RBM33: variants seen among roughly 807,000 people sequenced by gnomAD.
The protein encoded by RBM33 is RNA binding motif protein 33.
Under a neutral mutation model 132.6 loss-of-function variants are expected in RBM33, and 28 were observed. The observed-to-expected ratio is 0.21, with a 90% CI of 0.16 to 0.29. The LOEUF is 0.29. Ranked by LOEUF, RBM33 falls within the 10% of genes least tolerant of loss-of-function variation. RBM33 has a pLI of 1.00. For synonymous variants in RBM33, 634 were observed against 593.0 expected, an observed-to-expected ratio of 1.07 and a Z score of -1.01; for missense variants, 1,291 against 1,518.5, an observed-to-expected ratio of 0.85 and a Z score of 2.49.
At chr7:155,646,110 AACTCTTGGGTGAAC>A (rs1798182008) in intron 1 of RBM33, among the ~76,000 whole-genome samples, 1 of 152,116 alleles carries the variant, frequency 6.6e-6, no homozygotes, top group Non-Finnish European at 1.5e-5. Flanking sequence ...GTAACCTGGG[AACTCTTGGGTGAAC>A]ACTCTTTTCA....
At chr7:155,673,675 C>T (rs566683044) in intron 3 of RBM33, among the ~76,000 whole-genome samples, 14 of 126,274 alleles carry the variant, frequency 1.1e-4, no homozygotes, top group Non-Finnish European at 1.9e-4. Flanking sequence ...TACATACACA[C>T]GTGTATATAT....
intron 1 of RBM33, among the ~76,000 whole-genome samples, chr7:155,664,241 A>ATGTG (rs1225756348): frequency 4.6e-5 from 7 of 151,174 alleles, no homozygotes; most frequent in South Asian, 2.1e-4. Context: ...TTATATATAT[A>ATGTG]TATGTGTGTG....
At chr7:155,655,145 A>T (rs1016889372) in intron 1 of RBM33, among the ~76,000 whole-genome samples, 4 of 152,216 alleles carry the variant, frequency 2.6e-5, no homozygotes, top group Non-Finnish European at 5.9e-5. Context: ...TTTGGCTTAT[A>T]TCCTGGGCAC....
intron 8 of RBM33, among the ~76,000 whole-genome samples, chr7:155,718,183 T>C: frequency 6.6e-6 from 1 of 152,210 alleles, no homozygotes; most frequent in South Asian, 2.1e-4. Context: ...TGCACTGCTG[T>C]GTACCGAAAA....
rs1802225672 is a variant in RBM33, at chr7:155,766,555, A to AT, written c.3275_3276insT (p.Glu1092AspfsTer48). On this transcript the variant is annotated frameshift_variant, in exon 16 of 18. Coordinates refer to ENST00000401878, the MANE Select transcript of RBM33 (RefSeq NM_053043.3). LOFTEE classifies it high-confidence loss of function. ...AACAAGCAGAACCTGCGGGTGGTGGAGTGCAAGCCCCAGCCCTGCGTGGTG... is the reference window on the plus strand; with the variant it reads ...AACAAGCAGAACCTGCGGGTGGTGGATGTGCAAGCCCCAGCCCTGCGTGGTG... 6.2e-7 allele frequency: 1 copy of AT among 1,613,548 alleles called. No homozygotes were observed. The highest frequency in any genetic ancestry group is 8.5e-7 in the Non-Finnish European group (1 of 1,179,774).
At chr7:155,766,390 G>C in intron 15 of RBM33, 77 bp from the exon 16 acceptor site, 1 of 1,454,548 alleles carries the variant, frequency 6.9e-7, no homozygotes, top group Non-Finnish European at 9.3e-7. Flanking sequence ...TAAGTTATTT[G>C]TTCACTTTTA....
chr7:155,755,261 A>G (rs1290149297), intron 14 of RBM33, among the ~76,000 whole-genome samples: 1 of 152,194 alleles, frequency 6.6e-6, no homozygotes, highest in Non-Finnish European at 1.5e-5. Flanking sequence ...GAGAATTCAT[A>G]AGAGGCTGCC....
chr7:155,761,779 G>T (rs1295810616), intron 14 of RBM33, among the ~76,000 whole-genome samples: 1 of 151,690 alleles, frequency 6.6e-6, no homozygotes, highest in Admixed American at 6.6e-5. Flanking sequence ...GTTGCTTTTC[G>T]CTGTCATCTT....
At chr7:155,645,587 A>G (rs1458517665) in intron 1 of RBM33, among the ~76,000 whole-genome samples, 1 of 152,236 alleles carries the variant, frequency 6.6e-6, no homozygotes, top group African/African-American at 2.4e-5. Context: ...TCTTGTTTGC[A>G]AGCATAAACA....
chr7:155,716,444 C>A (rs928270007), intron 8 of RBM33, among the ~76,000 whole-genome samples: 3 of 151,236 alleles, frequency 2.0e-5, no homozygotes, highest in African/African-American at 7.3e-5. Flanking sequence ...ACCTCACCTT[C>A]TTGCTCTCAT....
chr7:155,761,804 C>T (rs961882261), intron 14 of RBM33, among the ~76,000 whole-genome samples: 6 of 152,076 alleles, frequency 3.9e-5, no homozygotes, highest in Admixed American at 3.9e-4. Flanking sequence ...ATTTTCCTTC[C>T]TTCTACTTGG....
At position 155,717,910 on chromosome 7, in the gene RBM33, A is replaced by G. The variant is rs973530177; in HGVS notation, c.1202-475A>G. 1.8e-4 allele frequency among the ~76,000 whole-genome samples: 28 copies of G among 152,268 alleles called. 1 individual carries two copies. The highest frequency in any genetic ancestry group is 5.5e-4 in the African/African-American group (23 of 41,542). ...TAACAGTTTGTGAGCATTTTCTCCA[A>G]TTCCTGGGATGTGCTGTTTTCCTTT... On this transcript the variant is annotated intron_variant, in intron 8 of 17. Coordinates refer to ENST00000401878, the MANE Select transcript of RBM33 (RefSeq NM_053043.3).
At chr7:155,706,125 G>T (rs556919234) in intron 6 of RBM33, among the ~76,000 whole-genome samples, 1 of 152,292 alleles carries the variant, frequency 6.6e-6, no homozygotes, top group East Asian at 1.9e-4. Context: ...TAGCTCTACT[G>T]GCTTCAGTAA....
chr7:155,775,130 C>A lies in RBM33; in HGVS notation c.*89C>A. On this transcript the variant is annotated 3_prime_UTR_variant, in exon 18 of 18. Coordinates refer to ENST00000401878, the MANE Select transcript of RBM33 (RefSeq NM_053043.3). ...CCGGCCGGCGCAGAACCCCCAGGAG[C>A]ACAGGTCTCTCCGGGCCGCTGTCCT... The A allele has an allele frequency of 1.7e-6, 2 of 1,150,262 alleles. No individual in the cohort carries two copies. The highest frequency in any genetic ancestry group is 2.6e-6 in the Non-Finnish European group (2 of 758,244). 71.3% of individuals were successfully genotyped at this position (1,150,262 alleles called of 1,614,324 possible). A position where few individuals can be genotyped will look rare whatever the true frequency, so the allele number is the denominator to read the frequency against.
chr7:155,734,560 CTG>C (rs1242346981), intron 9 of RBM33, among the ~76,000 whole-genome samples: 1 of 152,084 alleles, frequency 6.6e-6, no homozygotes, highest in African/African-American at 2.4e-5. Flanking sequence ...TTGTTTCAGG[CTG>C]TGATATTGTC....
Position 155,676,814 on chromosome 7 carries a change from T to C in RBM33, c.172-1794T>C, listed in dbSNP as rs1799197467. 3.9e-5 allele frequency among the ~76,000 whole-genome samples: 6 copies of C among 152,322 alleles called. No homozygotes were observed. In the South Asian group the frequency reaches 1.2e-3, roughly 32 times the overall value. ...TTCTCAGTGAAGTGGATATTGTGCT[T>C]ATCACCTCCTGTGTCTGTTAGTAGG... On this transcript the variant is annotated intron_variant, in intron 3 of 17. Coordinates refer to ENST00000401878, the MANE Select transcript of RBM33 (RefSeq NM_053043.3).
chr7:155,674,486 C>T (rs1799120075), intron 3 of RBM33, among the ~76,000 whole-genome samples: 1 of 152,106 alleles, frequency 6.6e-6, no homozygotes, highest in Admixed American at 6.5e-5. Context: ...AAATACTTTG[C>T]CATGAGGTTG....
At chr7:155,709,561 G>A (rs928082499) in intron 7 of RBM33, among the ~76,000 whole-genome samples, 13 of 152,210 alleles carry the variant, frequency 8.5e-5, no homozygotes, top group African/African-American at 2.9e-4. Context: ...ATGTTTCACA[G>A]GCCCTGAATG....
intron 5 of RBM33, among the ~76,000 whole-genome samples, chr7:155,699,609 A>G (rs1005153856): frequency 2.6e-5 from 4 of 152,130 alleles, no homozygotes; most frequent in African/African-American, 7.2e-5. Context: ...GAGTGGGGGT[A>G]TTGTAATTGT....
Sources: gnomAD v4.1 joint callset for allele counts (sites outside exome capture counted in the v4.1 genomes callset) on GRCh38, gnomAD v4.1.1 for gene constraint, MANE v1.5 for transcripts, NCBI Gene and HGNC (gene_info 2026-07-23, HGNC 2026-07-21) for gene names.